Variants in NYAP2 observed in about 807,000 individuals in gnomAD.
NYAP2 encodes neuronal tyrosine-phosphorylated phosphoinositide-3-kinase adapter 2.
In NYAP2, 23 loss-of-function variants were observed where a neutral mutation model predicts 50.4. That is an observed-to-expected ratio of 0.46 (90% CI 0.33 to 0.65). The LOEUF (loss-of-function observed/expected upper bound fraction) is 0.65. Among genes scored for constraint, NYAP2 ranks in the 30% least tolerant of loss-of-function variants. NYAP2 has a pLI of 0.02. For synonymous variants in NYAP2, 394 were observed against 365.2 expected, an observed-to-expected ratio of 1.08 and a Z score of -0.90; for missense variants, 885 against 861.0, an observed-to-expected ratio of 1.03 and a Z score of -0.35.
chr2:225,542,859 T>C (rs1691501961), intron 4 of NYAP2, among the ~76,000 whole-genome samples: 1 of 152,132 alleles, frequency 6.6e-6, no homozygotes, highest in South Asian at 2.1e-4. Flanking sequence ...CTTCTTTAAA[T>C]GTTTGGTAGA....
chr2:225,625,058 A>G (rs1394127040), intron 5 of NYAP2, among the ~76,000 whole-genome samples: 1 of 151,016 alleles, frequency 6.6e-6, no homozygotes, highest in African/African-American at 2.4e-5. Flanking sequence ...AAAAAAAAAA[A>G]AAAAAAAAAA....
intron 3 of NYAP2, among the ~76,000 whole-genome samples, chr2:225,506,146 AT>A (rs985865845): frequency 4.6e-5 from 7 of 152,060 alleles, no homozygotes; most frequent in African/African-American, 1.7e-4. Flanking sequence ...TATGTCCACA[AT>A]TTTTTTTAAC....
chr2:225,501,662 C>T (rs992410281), intron 3 of NYAP2, among the ~76,000 whole-genome samples: 2 of 152,156 alleles, frequency 1.3e-5, no homozygotes, highest in East Asian at 1.9e-4. Context: ...GCTAATCATA[C>T]CTAAGCCTCA....
intron 3 of NYAP2, among the ~76,000 whole-genome samples, chr2:225,474,290 A>T (rs986440445): frequency 2.0e-5 from 3 of 152,078 alleles, no homozygotes; most frequent in African/African-American, 4.8e-5. Flanking sequence ...CTTGGCGATG[A>T]GGGCTCTTTT....
chr2:225,432,577 C>T (rs1689287272), intron 3 of NYAP2, among the ~76,000 whole-genome samples: 1 of 151,588 alleles, frequency 6.6e-6, no homozygotes. Context: ...TAGATATCTC[C>T]CCTACCAGAA....
chr2:225,627,028 C>A, exon 6 of NYAP2: 1 of 1,595,554 alleles, frequency 6.3e-7, no homozygotes, highest in East Asian at 2.3e-5. Context: ...CCTGTCAAAG[C>A]TCAGGAATGG....
chr2:225,665,376 C>G, the NYAP2 span, among the ~76,000 whole-genome samples: 1 of 151,872 alleles, frequency 6.6e-6, no homozygotes, highest in Admixed American at 6.6e-5. Flanking sequence ...GTGTGAACAC[C>G]CCCAGTGACA....
chr2:225,571,661 A>G (rs937627207), intron 4 of NYAP2, among the ~76,000 whole-genome samples: 2 of 152,190 alleles, frequency 1.3e-5, no homozygotes, highest in Non-Finnish European at 2.9e-5. Flanking sequence ...GCTCCAGCCC[A>G]TAAAACCCTT....
At chr2:225,440,515 G>A (rs1350876401) in intron 3 of NYAP2, among the ~76,000 whole-genome samples, 2 of 152,162 alleles carry the variant, frequency 1.3e-5, no homozygotes, top group Non-Finnish European at 2.9e-5. Flanking sequence ...AATAATAAAT[G>A]CTCAATAAAG....
intron 3 of NYAP2, among the ~76,000 whole-genome samples, chr2:225,418,118 G>A (rs1410334286): frequency 6.6e-6 from 1 of 152,120 alleles, no homozygotes; most frequent in African/African-American, 2.4e-5. Flanking sequence ...AAGACCTGAA[G>A]TAATAAGTGA....
At chr2:225,616,755 C>T (rs897383919) in intron 5 of NYAP2, among the ~76,000 whole-genome samples, 2 of 152,138 alleles carry the variant, frequency 1.3e-5, no homozygotes, top group African/African-American at 4.8e-5. Context: ...TAATTACAAA[C>T]ACACATCTTA....
intron 3 of NYAP2, among the ~76,000 whole-genome samples, chr2:225,432,273 G>A (rs1441550570): frequency 6.6e-6 from 1 of 150,872 alleles, no homozygotes; most frequent in Non-Finnish European, 1.5e-5. Context: ...TGGGATTACA[G>A]GCGTGAGCCA....
At chr2:225,663,203 T>A in the NYAP2 span, among the ~76,000 whole-genome samples, 1 of 152,066 alleles carries the variant, frequency 6.6e-6, no homozygotes, top group Admixed American at 6.5e-5. Context: ...AGCATCTTTA[T>A]GATTTGTGCT....
At chr2:225,414,252 C>T (rs549217775) in intron 3 of NYAP2, among the ~76,000 whole-genome samples, 2 of 152,094 alleles carry the variant, frequency 1.3e-5, no homozygotes, top group South Asian at 2.1e-4. Context: ...AAATAAAAAG[C>T]GATGCTCTTA....
intron 3 of NYAP2, among the ~76,000 whole-genome samples, chr2:225,483,245 T>C (rs1350651911): frequency 6.6e-6 from 1 of 152,170 alleles, no homozygotes; most frequent in Non-Finnish European, 1.5e-5. Context: ...AGGGGAAACA[T>C]TTGAAGGTAA....
chr2:225,403,289 A>T (rs1694892169), intron 2 of NYAP2, among the ~76,000 whole-genome samples: 1 of 152,012 alleles, frequency 6.6e-6, no homozygotes. Context: ...TAAAGAGCTC[A>T]GAAATATATA....
At chr2:225,524,487 A>G (rs1350428016) in intron 4 of NYAP2, among the ~76,000 whole-genome samples, 1 of 152,182 alleles carries the variant, frequency 6.6e-6, no homozygotes, top group Non-Finnish European at 1.5e-5. Flanking sequence ...CAACACCCTC[A>G]CAGACACACC....
At chr2:225,564,593 T>C (rs1435111408) in intron 4 of NYAP2, among the ~76,000 whole-genome samples, 1 of 151,948 alleles carries the variant, frequency 6.6e-6, no homozygotes, top group Non-Finnish European at 1.5e-5. Flanking sequence ...AAAAAATCTT[T>C]TCTCTTTTCC....
intron 3 of NYAP2, among the ~76,000 whole-genome samples, chr2:225,437,641 A>C (rs572014010): frequency 6.6e-6 from 1 of 152,366 alleles, no homozygotes; most frequent in South Asian, 2.1e-4. Flanking sequence ...AAATAAAACC[A>C]ACATATCTGC....
Sources: allele counts gnomAD v4.1 joint callset (sites outside exome capture counted in the v4.1 genomes callset), GRCh38; gene constraint gnomAD v4.1.1; transcripts MANE v1.5; gene names NCBI Gene and HGNC (gene_info 2026-07-23, HGNC 2026-07-21).